Variants in RBFOX3 observed in about 807,000 individuals in gnomAD.
The protein encoded by RBFOX3 is RNA binding protein fox-1 homolog 3.
Under a neutral mutation model 48.7 loss-of-function variants are expected in RBFOX3, and 17 were observed. That is an observed-to-expected ratio of 0.35 (90% CI 0.24 to 0.52). The LOEUF (loss-of-function observed/expected upper bound fraction) is 0.52. RBFOX3 is among the 20% of genes least tolerant of loss of function. RBFOX3 has a pLI of 0.94. For missense variants in RBFOX3, 382 were observed against 497.5 expected (o/e 0.77, Z 2.21); for synonymous variants, 212 against 209.5 (o/e 1.01, Z -0.10).
intron 3 of RBFOX3, among the ~76,000 whole-genome samples, chr17:79,289,721 A>G (rs2072844456): frequency 6.6e-6 from 1 of 152,236 alleles, no homozygotes; most frequent in South Asian, 2.1e-4. Flanking sequence ...CCTCTGGTTT[A>G]GAGCTTCCCC....
chr17:79,544,831 G>A (rs890542857), intron 1 of RBFOX3, among the ~76,000 whole-genome samples: 2 of 151,686 alleles, frequency 1.3e-5, no homozygotes, highest in Non-Finnish European at 2.9e-5. Flanking sequence ...AACATCTGCT[G>A]TCCTCACTCC....
intron 2 of RBFOX3, among the ~76,000 whole-genome samples, chr17:79,334,675 C>A (rs949792077): frequency 6.6e-6 from 1 of 152,216 alleles, no homozygotes; most frequent in African/African-American, 2.4e-5. Flanking sequence ...GTCTGCAGGC[C>A]CAAGACTGAG....
chr17:79,508,121 C>T lies in RBFOX3; in HGVS notation c.-319-25523G>A, dbSNP rs1013752150. On this transcript the variant is annotated intron_variant, in intron 1 of 14. Coordinates refer to ENST00000693108, the MANE Select transcript of RBFOX3 (RefSeq NM_001350451.2). ...AAACACCAGCAGACTCCAGAGGCCACGGTGAAACCGGGGCAGAAAGGAAAT... is the reference window on the plus strand; with the variant it reads ...AAACACCAGCAGACTCCAGAGGCCATGGTGAAACCGGGGCAGAAAGGAAAT... Among the ~76,000 whole-genome samples the T allele has an allele frequency of 6.7e-3, 1,019 of 152,354 alleles. 7 individuals are homozygous for T. Among genetic ancestry groups the T allele is most frequent in the African/African-American group, 0.023 (966 of 41,576 alleles).
rs531929920 is a variant in RBFOX3, at chr17:79,390,674, G to A, written c.-174-82850C>T. Among the ~76,000 whole-genome samples, 6 of 152,044 alleles carry A rather than the reference G, an allele frequency of 3.9e-5. No homozygotes were observed. Among genetic ancestry groups the A allele is most frequent in the Non-Finnish European group, 7.4e-5 (5 of 68,006 alleles). On this transcript the variant is annotated intron_variant, in intron 2 of 14. Transcript: ENST00000693108. This position sits in a 1 kb window ranked among gnomAD's most constrained non-coding sequence, Gnocchi z 4.2. ...GTATTTTTAGTAGAGACAGGGTTTC[G>A]CCATGTTGGCCAGGCTGGTCTCGAA... is the stretch of plus-strand genomic sequence containing the variant.
intron 4 of RBFOX3, among the ~76,000 whole-genome samples, chr17:79,141,806 C>G (rs571968129): frequency 5.3e-5 from 8 of 152,098 alleles, no homozygotes; most frequent in African/African-American, 9.7e-5. Flanking sequence ...CAGTGCCCCC[C>G]GGTCGCAAGC....
the RBFOX3 span, among the ~76,000 whole-genome samples, chr17:79,620,451 A>T: frequency 1.4e-5 from 2 of 143,848 alleles, no homozygotes; most frequent in East Asian, 4.3e-4. Flanking sequence ...ACATGCACAC[A>T]TGCGCACACA....
rs893408417 is a variant in RBFOX3, at chr17:79,311,159, G to A, written c.-174-3335C>T. 3.9e-5 allele frequency among the ~76,000 whole-genome samples: 6 copies of A among 152,176 alleles called. No individual in the cohort carries two copies. Among genetic ancestry groups the A allele is most frequent in the Admixed American group, 6.5e-5 (1 of 15,280 alleles). On this transcript the variant is annotated intron_variant, in intron 2 of 14. Transcript: ENST00000693108. This position sits in a 1 kb window ranked among gnomAD's most constrained non-coding sequence, Gnocchi z 4.2. ...CTCAAGACCGCAGCACCAGCTGGGC[G>A]CAGTGGCTCACGCCTATAATCCCAG...
At chr17:79,172,167 C>T (rs2049449020) in intron 4 of RBFOX3, among the ~76,000 whole-genome samples, 1 of 119,034 alleles carries the variant, frequency 8.4e-6, no homozygotes, top group African/African-American at 3.0e-5. Context: ...GAGTGAGAGT[C>T]CGTCTCAAAA....
chr17:79,213,219 C>T (rs1228416947), intron 4 of RBFOX3, among the ~76,000 whole-genome samples: 1 of 152,180 alleles, frequency 6.6e-6, no homozygotes, highest in Admixed American at 6.5e-5. Context: ...CTCTTGTGAG[C>T]AGATGAGGGT....
At chr17:79,106,867 G>A (rs777104285) in intron 5 of RBFOX3, 79 bp from the exon 6 acceptor site, 96 of 1,399,856 alleles carry the variant, frequency 6.9e-5, no homozygotes, top group Middle Eastern at 2.0e-4. Context: ...GGTCGGCAGA[G>A]TCTAAAGGCC....
At chr17:79,632,598 G>A in the RBFOX3 span, among the ~76,000 whole-genome samples, 4 of 152,078 alleles carry the variant, frequency 2.6e-5, no homozygotes, top group African/African-American at 4.8e-5. Flanking sequence ...TGGCATGCAC[G>A]AGTCCCCGGC....
intron 14 of RBFOX3, 120 bp from the exon 15 acceptor site, chr17:79,091,005 G>GC (rs1162473449): frequency 1.7e-5 from 16 of 969,408 alleles, no homozygotes; most frequent in South Asian, 1.6e-4. Context: ...CGCCACACCT[G>GC]CCCCCCAGGT....
chr17:79,441,619 G>T (rs2149013903), intron 2 of RBFOX3, among the ~76,000 whole-genome samples: 1 of 152,250 alleles, frequency 6.6e-6, no homozygotes, highest in South Asian at 2.1e-4. Flanking sequence ...CCAATACCTT[G>T]ATCTTGGACT....
At chr17:79,289,026 TG>T (rs1567982760) in intron 3 of RBFOX3, among the ~76,000 whole-genome samples, 1 of 152,052 alleles carries the variant, frequency 6.6e-6, no homozygotes, top group South Asian at 2.1e-4. Context: ...TGGGGACAGC[TG>T]GGGGGAGTCA....
chr17:79,665,435 G>C, the RBFOX3 span, among the ~76,000 whole-genome samples: 1 of 152,092 alleles, frequency 6.6e-6, no homozygotes, highest in Admixed American at 6.5e-5. Flanking sequence ...GAGCAGAGAG[G>C]AGGGGCCTGG....
intron 1 of RBFOX3, among the ~76,000 whole-genome samples, chr17:79,531,277 C>T (rs2087731330): frequency 6.6e-6 from 1 of 152,188 alleles, no homozygotes; most frequent in Non-Finnish European, 1.5e-5. Context: ...GCACAGGTGC[C>T]CACCTGCCCT....
chr17:79,356,360 T>TGTTTTTG (rs1568100879), intron 2 of RBFOX3, among the ~76,000 whole-genome samples: 1 of 68,268 alleles, frequency 1.5e-5, no homozygotes, highest in African/African-American at 6.3e-5. Context: ...TTTTTTTTTT[T>TGTTTTTG]TTTTTTTTTT....
intron 4 of RBFOX3, among the ~76,000 whole-genome samples, chr17:79,138,159 T>C (rs1409335625): frequency 6.6e-6 from 1 of 151,880 alleles, no homozygotes; most frequent in Non-Finnish European, 1.5e-5. Flanking sequence ...TCACCGAGCC[T>C]GCGAGGCACA....
chr17:79,597,607 A>T (rs2093600722), intron 1 of RBFOX3, among the ~76,000 whole-genome samples: 1 of 152,202 alleles, frequency 6.6e-6, no homozygotes, highest in East Asian at 1.9e-4. Flanking sequence ...AGGGCCAGGG[A>T]AGGCCCTCCT....
Sources: allele counts gnomAD v4.1 joint callset (sites outside exome capture counted in the v4.1 genomes callset), GRCh38; gene constraint gnomAD v4.1.1; non-coding constraint Gnocchi (gnomAD v3.1); transcripts MANE v1.5; gene names NCBI Gene and HGNC (gene_info 2026-07-23, HGNC 2026-07-21).